FGF12: variants seen among roughly 807,000 people sequenced by gnomAD.
FGF12 encodes fibroblast growth factor 12, also known as fibroblast growth factor 12B.
Under a neutral mutation model 23.6 loss-of-function variants are expected in FGF12, and 14 were observed. The observed-to-expected ratio is 0.59, with a 90% CI of 0.39 to 0.93. The LOEUF is 0.93. FGF12 is among the 40% of genes least tolerant of loss of function. The pLI is 0.00. For missense variants in FGF12, 175 were observed against 217.8 expected, an observed-to-expected ratio of 0.80 and a Z score of 1.24; for synonymous variants, 62 against 77.3, an observed-to-expected ratio of 0.80 and a Z score of 1.04.
intron 4 of FGF12, among the ~76,000 whole-genome samples, chr3:192,276,505 G>A (rs1713797864): frequency 6.6e-6 from 1 of 152,120 alleles, no homozygotes. Flanking sequence ...TGCCTTATGA[G>A]AAAATGATTC....
At chr3:192,448,164 T>C (rs1156600259) in intron 2 of FGF12, among the ~76,000 whole-genome samples, 1 of 152,234 alleles carries the variant, frequency 6.6e-6, no homozygotes, top group African/African-American at 2.4e-5. Flanking sequence ...ACTTGGGTTA[T>C]TTCTACCTTG....
intron 2 of FGF12, among the ~76,000 whole-genome samples, chr3:192,627,596 T>C (rs899653947): frequency 1.1e-4 from 16 of 152,248 alleles, no homozygotes; most frequent in Admixed American, 6.5e-4. Flanking sequence ...CATACAAATA[T>C]CCTTTTGAGG....
intron 5 of FGF12, among the ~76,000 whole-genome samples, chr3:192,164,475 T>G (rs1180677955): frequency 6.6e-6 from 1 of 152,194 alleles, no homozygotes; most frequent in Non-Finnish European, 1.5e-5. Flanking sequence ...TGGTGGGTAA[T>G]TATTATCATG....
chr3:192,674,400 G>T (rs1038845193), intron 2 of FGF12, among the ~76,000 whole-genome samples: 1 of 152,086 alleles, frequency 6.6e-6, no homozygotes, highest in Non-Finnish European at 1.5e-5. Context: ...AGTAAACTGG[G>T]CTAAAACAAA....
chr3:192,312,263 A>G (rs1715988051), intron 4 of FGF12, among the ~76,000 whole-genome samples: 1 of 152,128 alleles, frequency 6.6e-6, no homozygotes, highest in South Asian at 2.1e-4. Flanking sequence ...GTTTACTCCT[A>G]TGCTTTCTTC....
At chr3:192,266,668 A>T (rs905036875) in intron 4 of FGF12, among the ~76,000 whole-genome samples, 3 of 152,078 alleles carry the variant, frequency 2.0e-5, no homozygotes, top group Non-Finnish European at 4.4e-5. Flanking sequence ...TGAATATGTT[A>T]ATTAGGAACT....
intron 4 of FGF12, among the ~76,000 whole-genome samples, chr3:192,178,289 T>G (rs1449892036): frequency 6.6e-6 from 1 of 152,116 alleles, no homozygotes; most frequent in Non-Finnish European, 1.5e-5. Context: ...AAAATAGAGC[T>G]TTCCTACCAA....
chr3:192,673,723 C>T (rs571712319), intron 2 of FGF12, among the ~76,000 whole-genome samples: 3 of 151,324 alleles, frequency 2.0e-5, no homozygotes, highest in Admixed American at 1.3e-4. Flanking sequence ...TGATCTCATT[C>T]CTTTTCTATG....
At chr3:192,391,404 AT>A (rs1420362627) in intron 2 of FGF12, among the ~76,000 whole-genome samples, 1 of 152,268 alleles carries the variant, frequency 6.6e-6, no homozygotes, top group Non-Finnish European at 1.5e-5. Context: ...ACGTTAAAAA[AT>A]AATAAAATCC....
At chr3:192,509,662 T>C (rs1173737032) in intron 2 of FGF12, among the ~76,000 whole-genome samples, 2 of 152,214 alleles carry the variant, frequency 1.3e-5, no homozygotes, top group Non-Finnish European at 2.9e-5. Flanking sequence ...GAGATCGATA[T>C]CATTTAAGGA....
chr3:192,714,906 C>T (rs911285555), intron 2 of FGF12, among the ~76,000 whole-genome samples: 1 of 152,118 alleles, frequency 6.6e-6, no homozygotes, highest in Non-Finnish European at 1.5e-5. Context: ...AGTTTCAACG[C>T]TAGAATTTTA....
At chr3:192,367,629 T>G (rs1395611256) in intron 2 of FGF12, among the ~76,000 whole-genome samples, 1 of 152,152 alleles carries the variant, frequency 6.6e-6, no homozygotes, top group East Asian at 1.9e-4. Flanking sequence ...AAATTGCAAC[T>G]CTACTGATCT....
intron 2 of FGF12, among the ~76,000 whole-genome samples, chr3:192,683,488 T>C (rs1358466814): frequency 1.3e-5 from 2 of 152,304 alleles, no homozygotes; most frequent in African/African-American, 4.8e-5. Flanking sequence ...TTTCAAATCA[T>C]GGTTATGTTG....
rs1365613922 is a variant in FGF12, at chr3:192,336,297, C to T, written c.125-833G>A. ...AACATGCTTGCAGTCTTTACATATT[C>T]GAGTTGCTCATCACTCAAAATACTC... On this transcript the variant is annotated intron_variant, in intron 3 of 5. Coordinates refer to ENST00000445105, the MANE Select transcript of FGF12 (RefSeq NM_004113.6). This position sits in a 1 kb window ranked among gnomAD's most constrained non-coding sequence, Gnocchi z 4.3. Among the ~76,000 whole-genome samples the T allele has an allele frequency of 2.6e-5, 4 of 151,994 alleles. No homozygotes were observed. The highest frequency in any genetic ancestry group is 1.9e-4 in the East Asian group (1 of 5,164).
chr3:192,560,985 T>C (rs1381540932), intron 2 of FGF12, among the ~76,000 whole-genome samples: 1 of 152,162 alleles, frequency 6.6e-6, no homozygotes, highest in Non-Finnish European at 1.5e-5. Flanking sequence ...GAATAAAGTA[T>C]TGACTCATGC....
At chr3:192,591,353 T>C (rs1016928854) in intron 2 of FGF12, among the ~76,000 whole-genome samples, 12 of 151,618 alleles carry the variant, frequency 7.9e-5, no homozygotes, top group African/African-American at 2.9e-4. Flanking sequence ...CTTTCACTTC[T>C]GGACATGCTC....
intron 2 of FGF12, among the ~76,000 whole-genome samples, chr3:192,519,451 G>C (rs902858985): frequency 6.6e-6 from 1 of 152,138 alleles, no homozygotes; most frequent in Admixed American, 6.5e-5. Flanking sequence ...ATTATGGCAG[G>C]GGGGAGGGTA....
chr3:192,373,083 A>T (rs1719308376), intron 2 of FGF12, among the ~76,000 whole-genome samples: 1 of 152,082 alleles, frequency 6.6e-6, no homozygotes, highest in Admixed American at 6.5e-5. Context: ...TACAGATATT[A>T]TCTGGCAGCA....
chr3:192,233,755 G>A (rs563765019), intron 4 of FGF12, among the ~76,000 whole-genome samples: 8 of 151,902 alleles, frequency 5.3e-5, no homozygotes, highest in East Asian at 1.9e-4. Context: ...TTCAGTCTTC[G>A]GCATATGGCT....
Sources: allele counts gnomAD v4.1 joint callset (sites outside exome capture counted in the v4.1 genomes callset), GRCh38; gene constraint gnomAD v4.1.1; non-coding constraint Gnocchi (gnomAD v3.1); transcripts MANE v1.5; gene names NCBI Gene and HGNC (gene_info 2026-07-23, HGNC 2026-07-21).